The following HLA-DMA variants were observed in gnomAD, a reference collection of about 807,000 sequenced individuals.
HLA-DMA encodes the protein HLA class II histocompatibility antigen, DM alpha chain.
In HLA-DMA, 20 loss-of-function variants were observed where a neutral mutation model predicts 27.3. That is an observed-to-expected ratio of 0.73 (90% confidence interval 0.52 to 1.07). The LOEUF is 1.07. HLA-DMA is among the 50% of genes least tolerant of loss of function. The probability of loss-of-function intolerance (pLI) is 0.00; values close to 1 mark genes in which losing one functional copy is unlikely to be tolerated. For missense variants in HLA-DMA, 241 were observed against 321.7 expected (o/e 0.75, Z 1.92); for synonymous variants, 111 against 126.8 (o/e 0.88, Z 0.83).
chr6:32,952,258 C>A (rs1048136801), intron 1 of HLA-DMA: 4 of 464,224 alleles, frequency 8.6e-6, no homozygotes, highest in African/African-American at 8.0e-5. Flanking sequence ...CCACTATCCC[C>A]AGACACAAAT....
rs766321060 is a variant in HLA-DMA, at chr6:32,948,858, G to A, written c.*6C>T. 6.2e-7 allele frequency: 1 copy of A among 1,613,928 alleles called. No individual in the cohort carries two copies. Among genetic ancestry groups the A allele is most frequent in the Non-Finnish European group, 8.5e-7 (1 of 1,179,946 alleles). The stretch of plus-strand genomic sequence containing the variant: ...GCTGCTGGCATCAAACTCTGGTCTG[G>A]AAGAATCAGTCTGGGGGAGAGACAG... On this transcript the variant is annotated 3_prime_UTR_variant, in exon 5 of 5. Coordinates refer to ENST00000374843, the MANE Select transcript of HLA-DMA (RefSeq NM_006120.4).
rs768293819 is a variant in HLA-DMA, at chr6:32,949,226, G to A, written c.781+45C>T. On this transcript the variant is annotated intron_variant, in intron 4 of 4. Transcript: ENST00000374843. This position sits in a 1 kb window ranked among gnomAD's most constrained non-coding sequence, Gnocchi z 5.8. The stretch of plus-strand genomic sequence containing the variant: ...CTGACACATGCACGCATGCACCACT[G>A]TATCTGGCTCCCACAGGCTCACCCG... 6.2e-7 allele frequency: 1 copy of A among 1,612,840 alleles called. No homozygotes were observed. The highest frequency in any genetic ancestry group is 8.5e-7 in the Non-Finnish European group (1 of 1,179,146).
rs1248654233 is a variant in HLA-DMA at position 32,949,873 on chromosome 6, T to C, written c.390A>G (p.Glu130=). Residue 130 remains glutamate (E), a synonymous_variant, in exon 3 of 5, where the codon GAA becomes GAG. Coordinates refer to ENST00000374843, the MANE Select transcript of HLA-DMA (RefSeq NM_006120.4). This position sits in a 1 kb window ranked among gnomAD's most constrained non-coding sequence, Gnocchi z 5.8. The part of the protein sequence containing the change: ...IPVSRGFPIA[E]VFTLKPLEFG... ...ACTCCAGGGGCTTCAGCGTGAACAC[T>C]TCAGCGATAGGAAACCCTGGTGGGG... The C allele has an allele frequency of 1.9e-6, 3 of 1,612,580 alleles. No homozygotes were observed. The highest frequency in any genetic ancestry group is 2.5e-6 in the Non-Finnish European group (3 of 1,179,704).
Position 32,952,944 on chromosome 6 carries a change from C to A in HLA-DMA, c.88+5G>T, listed in dbSNP as rs1399933062. The A allele has an allele frequency of 1.2e-6, 2 of 1,608,176 alleles. No individual in the cohort carries two copies. The highest frequency in any genetic ancestry group is 1.7e-6 in the Non-Finnish European group (2 of 1,175,892). On this transcript the variant is annotated splice_donor_5th_base_variant and intron_variant, in intron 1 of 4. Coordinates refer to ENST00000374843, the MANE Select transcript of HLA-DMA (RefSeq NM_006120.4). ...GGATGGAAGTAAATAGGAGTACCATCTTACCTTCAGGGACGGCCCAGGAGT... is the reference window on the plus strand; with the variant it reads ...GGATGGAAGTAAATAGGAGTACCATATTACCTTCAGGGACGGCCCAGGAGT...
In HLA-DMA at chr6:32,949,964, G is replaced by T; in HGVS notation, c.374-75C>A. On this transcript the variant is annotated intron_variant, in intron 2 of 4. Transcript: ENST00000374843. This position sits in a 1 kb window ranked among gnomAD's most constrained non-coding sequence, Gnocchi z 5.8. Reference sequence around the variant, plus strand: ...TATCTCTGTGTTTGGAGGGGCCATGGCATATGGAGGGGAGGGCAGAGAAGA... The same window carrying T: ...TATCTCTGTGTTTGGAGGGGCCATGTCATATGGAGGGGAGGGCAGAGAAGA... 7.0e-7 allele frequency: 1 copy of T among 1,426,552 alleles called. No homozygotes were observed. The highest frequency in any genetic ancestry group is 9.7e-7 in the Non-Finnish European group (1 of 1,029,280). The allele number at this position is 1,426,552 out of a possible 1,614,324, so 88.4% of individuals were successfully genotyped here. A position where few individuals can be genotyped will look rare whatever the true frequency, so the allele number is the denominator to read the frequency against.
rs1776753668 is a variant in HLA-DMA, at chr6:32,948,725, T to C, written c.*139A>G. 1 of 1,014,694 alleles carries C rather than the reference T, an allele frequency of 9.9e-7. No homozygotes were observed. The highest frequency in any genetic ancestry group is 1.9e-5 in the Admixed American group (1 of 53,748). The allele number at this position is 1,014,694 out of a possible 1,614,324, so 62.9% of individuals were successfully genotyped here. On this transcript the variant is annotated 3_prime_UTR_variant, in exon 5 of 5. Coordinates refer to ENST00000374843, the MANE Select transcript of HLA-DMA (RefSeq NM_006120.4). ...GCCCAGGGACAGCAGAGTCCCCAGGTGGGAAATCTACACACACACCCCAGG... is the reference window on the plus strand; with the variant it reads ...GCCCAGGGACAGCAGAGTCCCCAGGCGGGAAATCTACACACACACCCCAGG...
chr6:32,950,038 T>G lies in HLA-DMA; in HGVS notation c.374-149A>C. On this transcript the variant is annotated intron_variant, in intron 2 of 4. Transcript: ENST00000374843. This position sits in a 1 kb window ranked among gnomAD's most constrained non-coding sequence, Gnocchi z 5.0. The stretch of plus-strand genomic sequence containing the variant: ...GACAGAGATGAGCGAGGAGCTGGGC[T>G]CTGAAGGGAGGTCTTCTTCCAGGCA... The G allele has an allele frequency of 1.3e-6, 1 of 750,984 alleles. No individual in the cohort carries two copies. Among genetic ancestry groups the G allele is most frequent in the Non-Finnish European group, 2.1e-6 (1 of 470,550 alleles). 46.5% of individuals were successfully genotyped at this position (750,984 alleles called of 1,614,324 possible).
In HLA-DMA at chr6:32,949,685, G is replaced by A. The variant is rs772429454; in HGVS notation, c.578C>T (p.Thr193Ile). Residue 193 changes from threonine (T) to isoleucine (I), a missense_variant, in exon 3 of 5, where the codon ACA becomes ATA. Transcript: ENST00000374843. This position sits in a 1 kb window ranked among gnomAD's most constrained non-coding sequence, Gnocchi z 5.8. ...GGAGAAAATGTCAGAAGGTTCTGGT[G>A]TGAAGTTTAAGTAAGAAAAGGCCTG... Reference protein sequence around the residue: ...SFQAFSYLNFTPEPSDIFSCI... With the variant: ...SFQAFSYLNFIPEPSDIFSCI... 1 of 1,613,100 alleles carries A rather than the reference G, an allele frequency of 6.2e-7. No homozygotes were observed. Among genetic ancestry groups the A allele is most frequent in the Admixed American group, 1.7e-5 (1 of 60,032 alleles).
rs1231951704 is a variant in HLA-DMA, at chr6:32,950,925, G to T, written c.89-122C>A. ...TAATCCCAGCACTTTGGGAGGCCAA[G>T]GTGGGTGGATCATGAGGTCAGGAGT... On this transcript the variant is annotated intron_variant, in intron 1 of 4. Coordinates refer to ENST00000374843, the MANE Select transcript of HLA-DMA (RefSeq NM_006120.4). This position sits in a 1 kb window ranked among gnomAD's most constrained non-coding sequence, Gnocchi z 5.0. 2 of 922,208 alleles carry T rather than the reference G, an allele frequency of 2.2e-6. No homozygotes were observed. The highest frequency in any genetic ancestry group is 1.6e-5 in the South Asian group (1 of 61,272). The allele number at this position is 922,208 out of a possible 1,614,324, so 57.1% of individuals were successfully genotyped here.
Position 32,953,042 on chromosome 6 carries a change from C to G in HLA-DMA, c.-6G>C. The stretch of plus-strand genomic sequence containing the variant: ...TGGTTCTGTTCATGACCCATACCTT[C>G]TTGCCACACAGTAGGTAGGAGCTAC... On this transcript the variant is annotated 5_prime_UTR_variant, in exon 1 of 5. Coordinates refer to ENST00000374843, the MANE Select transcript of HLA-DMA (RefSeq NM_006120.4). 1 of 1,611,210 alleles carries G rather than the reference C, an allele frequency of 6.2e-7. No individual in the cohort carries two copies. The highest frequency in any genetic ancestry group is 8.5e-7 in the Non-Finnish European group (1 of 1,178,894).
chr6:32,950,583 C>T lies in HLA-DMA; in HGVS notation c.309G>A (p.Glu103=), dbSNP rs944049432. ...TTTGCTGGATCATCCACTCGCAGAA[C>T]TCTTTGTCAAATAAAATGGCAGGAG... ...GDAPAILFDK[E]FCEWMIQQIG... Residue 103 remains glutamate, a synonymous_variant, in exon 2 of 5, where the codon GAG becomes GAA. Transcript: ENST00000374843. The surrounding 1 kb of genome is among the most constrained non-coding windows in gnomAD (Gnocchi z 5.0). The T allele has an allele frequency of 6.2e-7, 1 of 1,613,066 alleles. No individual in the cohort carries two copies. Among genetic ancestry groups the T allele is most frequent in the South Asian group, 1.1e-5 (1 of 91,084 alleles).
In HLA-DMA at chr6:32,949,396, G is replaced by A. The variant is rs755642368; in HGVS notation, c.656C>T (p.Pro219Leu). The change falls in exon 4 of 5, where the codon CCC becomes CTC. Residue 219 changes from proline (P) to leucine (L), a missense_variant. Coordinates refer to ENST00000374843, the MANE Select transcript of HLA-DMA (RefSeq NM_006120.4). This position sits in a 1 kb window ranked among gnomAD's most constrained non-coding sequence, Gnocchi z 5.8. Reference sequence around the variant, plus strand: ...CAGATCTGAGGGCAGTGCGTTCCGGGGTACTGGAGGAAATGAGTGGCTCAG... The same window carrying A: ...CAGATCTGAGGGCAGTGCGTTCCGGAGTACTGGAGGAAATGAGTGGCTCAG... ...DRYTAIAYWV[P>L]RNALPSDLLE... 7 of 1,613,860 alleles carry A rather than the reference G, an allele frequency of 4.3e-6. No homozygotes were observed. The Admixed American group carries it at 8.3e-5, about 19-fold the overall frequency.
In HLA-DMA at chr6:32,949,634, C is replaced by T. The variant is rs41555121; in HGVS notation, c.629G>A (p.Arg210His). The T allele has an allele frequency of 0.029, 47,109 of 1,613,052 alleles. 780 individuals carry two copies. The highest frequency in any genetic ancestry group is 0.044 in the South Asian group (4,041 of 91,086). Reference sequence around the variant, plus strand: ...ACCCCAATAGGCAATTGCTGTGTAGCGGTCAATTTCGTGAGTCACAATGCA... The same window carrying T: ...ACCCCAATAGGCAATTGCTGTGTAGTGGTCAATTTCGTGAGTCACAATGCA... ...FSCIVTHEID[R>H]YTAIAYWVPR... Residue 210 changes from arginine to histidine, a missense_variant, in exon 3 of 5, where the codon CGC becomes CAC. Coordinates refer to ENST00000374843, the MANE Select transcript of HLA-DMA (RefSeq NM_006120.4). This position sits in a 1 kb window ranked among gnomAD's most constrained non-coding sequence, Gnocchi z 5.8.
chr6:32,952,338 G>A, intron 1 of HLA-DMA: 1 of 471,220 alleles, frequency 2.1e-6, no homozygotes, highest in Non-Finnish European at 4.4e-6. Context: ...CTCTCAAAAT[G>A]TCTTCTGTTC....
rs1466156431 is a variant in HLA-DMA, at chr6:32,950,229, T to C, written c.373+290A>G. 4 of 592,208 alleles carry C rather than the reference T, an allele frequency of 6.8e-6. No homozygotes were observed. 36.7% of individuals were successfully genotyped at this position (592,208 alleles called of 1,614,324 possible). A position where few individuals can be genotyped will look rare whatever the true frequency, so the allele number is the denominator to read the frequency against. On this transcript the variant is annotated intron_variant, in intron 2 of 4. Coordinates refer to ENST00000374843, the MANE Select transcript of HLA-DMA (RefSeq NM_006120.4). The surrounding 1 kb of genome is among the most constrained non-coding windows in gnomAD (Gnocchi z 5.0). ...TCATCAGATATTTCCACTCTTCCCA[T>C]CCATCTTGCTGGGCATAGTAGCACA...
Position 32,949,459 on chromosome 6 carries a change from A to G in HLA-DMA, c.653-60T>C. On this transcript the variant is annotated intron_variant, in intron 3 of 4. Transcript: ENST00000374843. The surrounding 1 kb of genome is among the most constrained non-coding windows in gnomAD (Gnocchi z 5.8). ...GTTAGGGAGCCTCCCACCCAGGGAA[A>G]TGACGTGGGTGTCTGGGATGACATG... is the stretch of plus-strand genomic sequence containing the variant. 1 of 1,608,416 alleles carries G rather than the reference A, an allele frequency of 6.2e-7. No individual in the cohort carries two copies. The highest frequency in any genetic ancestry group is 1.1e-5 in the South Asian group (1 of 90,884).
In HLA-DMA at chr6:32,950,577, G is replaced by A. The variant is rs756404499; in HGVS notation, c.315C>T (p.Cys105=). 9 of 1,612,988 alleles carry A rather than the reference G, an allele frequency of 5.6e-6. No individual in the cohort carries two copies. Among genetic ancestry groups the A allele is most frequent in the Non-Finnish European group, 5.9e-6 (7 of 1,180,008 alleles). ...GCCCTATTTGCTGGATCATCCACTC[G>A]CAGAACTCTTTGTCAAATAAAATGG... ...APAILFDKEF[C]EWMIQQIGPK... is the part of the protein sequence containing the mutation. The change falls in exon 2 of 5, where the codon TGC becomes TGT. Residue 105 remains cysteine, a synonymous_variant. Coordinates refer to ENST00000374843, the MANE Select transcript of HLA-DMA (RefSeq NM_006120.4). The surrounding 1 kb of genome is among the most constrained non-coding windows in gnomAD (Gnocchi z 5.0).
In HLA-DMA at chr6:32,949,942, C is replaced by A; in HGVS notation, c.374-53G>T. 1 of 1,582,128 alleles carries A rather than the reference C, an allele frequency of 6.3e-7. No homozygotes were observed. The highest frequency in any genetic ancestry group is 1.7e-5 in the Admixed American group (1 of 58,950). Reference sequence around the variant, plus strand: ...AAAAAGAGACTAGTTTAGATGGTATCTCTGTGTTTGGAGGGGCCATGGCAT... The same window carrying A: ...AAAAAGAGACTAGTTTAGATGGTATATCTGTGTTTGGAGGGGCCATGGCAT... On this transcript the variant is annotated intron_variant, in intron 2 of 4. Coordinates refer to ENST00000374843, the MANE Select transcript of HLA-DMA (RefSeq NM_006120.4). The surrounding 1 kb of genome is among the most constrained non-coding windows in gnomAD (Gnocchi z 5.8).
intron 1 of HLA-DMA, chr6:32,952,403 C>T (rs969284097): frequency 2.1e-6 from 1 of 471,560 alleles, no homozygotes; most frequent in African/African-American, 2.0e-5. Flanking sequence ...CCCATAACTG[C>T]ATAAAATAAT....
Sources: allele counts gnomAD v4.1 joint callset, GRCh38; gene constraint gnomAD v4.1.1; non-coding constraint Gnocchi (gnomAD v3.1); transcripts MANE v1.5; gene names NCBI Gene and HGNC (gene_info 2026-07-23, HGNC 2026-07-21).